The following DCC variants were observed in gnomAD, a reference collection of about 807,000 sequenced individuals.
DCC encodes the protein netrin receptor DCC.
DCC carries 58 observed loss-of-function variants against 172.5 expected under a neutral mutation model. The observed-to-expected ratio is 0.34, with a 90% confidence interval of 0.27 to 0.42. The LOEUF (loss-of-function observed/expected upper bound fraction) is 0.42, where lower values mean the gene tolerates loss of function less well. DCC is among the 10% of genes least tolerant of loss of function. The pLI is 1.00. For missense variants in DCC, 1,740 were observed against 1,791.0 expected, an observed-to-expected ratio of 0.97 and a Z score of 0.51; for synonymous variants, 709 against 644.5, an observed-to-expected ratio of 1.10 and a Z score of -1.52.
chr18:53,164,355 T>A (rs34844064), intron 8 of DCC, among the ~76,000 whole-genome samples: 3,724 of 152,210 alleles, frequency 0.024, 73 homozygotes, highest in East Asian at 0.11. Flanking sequence ...AATGGATCCT[T>A]CCACCTCAGC....
chr18:53,164,535 C>T (rs918699986), intron 8 of DCC, among the ~76,000 whole-genome samples: 18 of 152,136 alleles, frequency 1.2e-4, no homozygotes, highest in African/African-American at 3.9e-4. Flanking sequence ...ATTGAACCAC[C>T]TGGGTTCAAA....
intron 1 of DCC, among the ~76,000 whole-genome samples, chr18:52,702,403 C>T (rs556871205): frequency 6.6e-6 from 1 of 152,134 alleles, no homozygotes; most frequent in Non-Finnish European, 1.5e-5. Flanking sequence ...TGACCAGGTT[C>T]CTTGAAGTTT....
intron 1 of DCC, among the ~76,000 whole-genome samples, chr18:52,341,438 A>G (rs1983631294): frequency 1.3e-5 from 2 of 152,204 alleles, no homozygotes; most frequent in South Asian, 2.1e-4. Flanking sequence ...GGATCCTGGT[A>G]CTGAAGGAGG....
chr18:53,506,988 G>A lies in DCC; in HGVS notation c.4111+7478G>A, dbSNP rs182806556. Among the ~76,000 whole-genome samples, 200 of 152,216 alleles carry A rather than the reference G, an allele frequency of 1.3e-3. 1 individual carries two copies. Among genetic ancestry groups the A allele is most frequent in the African/African-American group, 4.7e-3 (197 of 41,530 alleles). Reference sequence around the variant, plus strand: ...TCTGAATCTCACTTTTCTCATCTGTGAAATCAGATGGTCTTTCCTCTTTAA... The same window carrying A: ...TCTGAATCTCACTTTTCTCATCTGTAAAATCAGATGGTCTTTCCTCTTTAA... On this transcript the variant is annotated intron_variant, in intron 27 of 28. Coordinates refer to ENST00000442544, the MANE Select transcript of DCC (RefSeq NM_005215.4).
intron 8 of DCC, among the ~76,000 whole-genome samples, chr18:53,166,622 C>G (rs1216137615): frequency 6.6e-6 from 1 of 152,140 alleles, no homozygotes; most frequent in African/African-American, 2.4e-5. Flanking sequence ...TGTTACGTAA[C>G]TAGTCTCAAG....
Position 53,410,521 on chromosome 18 carries a change from G to A in DCC, c.3005G>A (p.Gly1002Asp). ...GACTGGATTATGGAAACAATCAGTGGTGATAGGCTTACTCATCAAATCATG... is the reference window on the plus strand; with the variant it reads ...GACTGGATTATGGAAACAATCAGTGATGATAGGCTTACTCATCAAATCATG... ...IDDWIMETISGDRLTHQIMDL... is the reference protein window; with the variant it reads ...IDDWIMETISDDRLTHQIMDL... Residue 1002 changes from glycine to aspartate, a missense_variant, in exon 20 of 29, where the codon GGT (glycine) becomes GAT (aspartate). Coordinates refer to ENST00000442544, the MANE Select transcript of DCC (RefSeq NM_005215.4). The A allele has an allele frequency of 6.2e-7, 1 of 1,607,924 alleles. No individual in the cohort carries two copies. The highest frequency in any genetic ancestry group is 1.1e-5 in the South Asian group (1 of 90,944).
At chr18:52,517,898 C>G (rs1018879304) in intron 1 of DCC, among the ~76,000 whole-genome samples, 1 of 152,126 alleles carries the variant, frequency 6.6e-6, no homozygotes, top group African/African-American at 2.4e-5. Flanking sequence ...GCTTGTAGTT[C>G]ATTCATTCTC....
chr18:52,885,860 A>C (rs1356178965), intron 2 of DCC, among the ~76,000 whole-genome samples: 1 of 152,004 alleles, frequency 6.6e-6, no homozygotes, highest in Non-Finnish European at 1.5e-5. Context: ...AGGGCTCTTT[A>C]GTCAGCAGGT....
chr18:52,644,893 G>C lies in DCC; in HGVS notation c.92-107161G>C, dbSNP rs765844448. Among the ~76,000 whole-genome samples, 12 of 151,476 alleles carry C rather than the reference G, an allele frequency of 7.9e-5. No homozygotes were observed. The East Asian group carries it at 2.3e-3, about 29-fold the overall frequency. ...GAAAAACAATTTGCTTGAGGAAGTT[G>C]CTTGATAGACTACTCTAAAAAGTAT... is the stretch of plus-strand genomic sequence containing the variant. On this transcript the variant is annotated intron_variant, in intron 1 of 28. Coordinates refer to ENST00000442544, the MANE Select transcript of DCC (RefSeq NM_005215.4).
chr18:52,945,072 T>G (rs2040520189), intron 5 of DCC, among the ~76,000 whole-genome samples: 1 of 152,200 alleles, frequency 6.6e-6, no homozygotes, highest in Non-Finnish European at 1.5e-5. Context: ...TACCATATTG[T>G]GACATGCCAT....
At chr18:52,375,343 T>C (rs1259690111) in intron 1 of DCC, among the ~76,000 whole-genome samples, 2 of 152,154 alleles carry the variant, frequency 1.3e-5, no homozygotes, top group African/African-American at 4.8e-5. Context: ...ATTTAAGATA[T>C]ATGCAAGGTT....
chr18:53,318,481 G>GTAGA (rs1568052960), intron 13 of DCC, among the ~76,000 whole-genome samples: 1 of 152,144 alleles, frequency 6.6e-6, no homozygotes, highest in Admixed American at 6.5e-5. Context: ...GGAGAGTTCT[G>GTAGA]TAGATGTCTG....
chr18:52,447,886 C>A, intron 1 of DCC, among the ~76,000 whole-genome samples: 1 of 152,120 alleles, frequency 6.6e-6, no homozygotes, highest in East Asian at 1.9e-4. Flanking sequence ...AAATCCACCC[C>A]CAAGATCCAG....
chr18:53,158,714 G>A (rs2054787161), intron 8 of DCC, among the ~76,000 whole-genome samples: 1 of 151,912 alleles, frequency 6.6e-6, no homozygotes, highest in Non-Finnish European at 1.5e-5. Context: ...AAAGAGGCTG[G>A]GCAAGGTGAC....
At chr18:52,894,560 T>A (rs1422424789) in intron 2 of DCC, among the ~76,000 whole-genome samples, 2 of 151,948 alleles carry the variant, frequency 1.3e-5, no homozygotes, top group Admixed American at 6.6e-5. Context: ...AAGAGATTGA[T>A]CACAAGGAAT....
chr18:53,068,118 C>A (rs1271870827), intron 7 of DCC, among the ~76,000 whole-genome samples: 1 of 152,142 alleles, frequency 6.6e-6, no homozygotes, highest in Non-Finnish European at 1.5e-5. Flanking sequence ...GACTTCTTTT[C>A]CCTCCATTTG....
chr18:53,284,251 GTTCTT>G (rs925016237), intron 12 of DCC, among the ~76,000 whole-genome samples: 1 of 152,088 alleles, frequency 6.6e-6, no homozygotes, highest in Non-Finnish European at 1.5e-5. Context: ...GGCTGTATTT[GTTCTT>G]TTAAATAACT....
intron 14 of DCC, among the ~76,000 whole-genome samples, chr18:53,337,595 T>A (rs1434579297): frequency 6.6e-6 from 1 of 152,252 alleles, no homozygotes; most frequent in African/African-American, 2.4e-5. Context: ...TAGGCTTTTT[T>A]AGGGCAGACT....
At chr18:53,301,754 T>TC (rs1177289790) in intron 12 of DCC, among the ~76,000 whole-genome samples, 14 of 152,328 alleles carry the variant, frequency 9.2e-5, no homozygotes, top group African/African-American at 2.9e-4. Context: ...CTGACACACT[T>TC]CCATCCTCAT....
Sources: allele counts gnomAD v4.1 joint callset (sites outside exome capture counted in the v4.1 genomes callset), GRCh38; gene constraint gnomAD v4.1.1; transcripts MANE v1.5; gene names NCBI Gene and HGNC (gene_info 2026-07-23, HGNC 2026-07-21).